ZC3H12B: variants seen among roughly 807,000 people sequenced by gnomAD.
ZC3H12B encodes zinc finger CCCH-type containing 12B.
Under a neutral mutation model 43.9 loss-of-function variants are expected in ZC3H12B, and 7 were observed. The ratio of observed to expected loss-of-function variants is 0.16; its 90% confidence interval spans 0.09 to 0.30. The LOEUF is 0.30. ZC3H12B is among the 10% of genes least tolerant of loss of function. ZC3H12B has a pLI of 1.00. For synonymous variants in ZC3H12B, 222 were observed against 241.7 expected (o/e 0.92, Z 0.76); for missense variants, 475 against 670.2 (o/e 0.71, Z 3.22).
chrX:65,244,364 A>T, the ZC3H12B span, among the ~76,000 whole-genome samples: 3 of 111,283 alleles, frequency 2.7e-5, no homozygotes, highest in Admixed American at 1.9e-4. Context: ...ACCGAAACAT[A>T]ACACAGAAAC....
At chrX:65,460,498 T>A (rs1418223311) in intron 3 of ZC3H12B, among the ~76,000 whole-genome samples, 1 of 111,974 alleles carries the variant, frequency 8.9e-6, no homozygotes. Flanking sequence ...ATGGTACTGG[T>A]ACCAAAACAG....
At chrX:65,120,942 T>C in the ZC3H12B span, among the ~76,000 whole-genome samples, 1 of 111,737 alleles carries the variant, frequency 8.9e-6, no homozygotes, top group Non-Finnish European at 1.9e-5. Flanking sequence ...ATTTATATGC[T>C]GGATTATGTT....
chrX:65,394,182 T>G (rs897814988), intron 2 of ZC3H12B, among the ~76,000 whole-genome samples: 1 of 112,499 alleles, frequency 8.9e-6, no homozygotes, highest in Non-Finnish European at 1.9e-5. Flanking sequence ...TTTCTTTTGC[T>G]GGGCAGAAGC....
chrX:65,165,969 CT>C, the ZC3H12B span, among the ~76,000 whole-genome samples: 1 of 112,101 alleles, frequency 8.9e-6, no homozygotes, highest in Non-Finnish European at 1.9e-5. Context: ...TATTTCCTGA[CT>C]TTTTAATAAT....
the ZC3H12B span, among the ~76,000 whole-genome samples, chrX:65,291,474 A>T: frequency 8.9e-6 from 1 of 112,329 alleles, no homozygotes; most frequent in Non-Finnish European, 1.9e-5. Flanking sequence ...TTCAAAAAGC[A>T]GGAATGCTGC....
At chrX:65,242,446 T>A in the ZC3H12B span, among the ~76,000 whole-genome samples, 7 of 110,770 alleles carry the variant, frequency 6.3e-5, no homozygotes, top group Non-Finnish European at 1.3e-4. Flanking sequence ...AAATGAGAGA[T>A]CTCTATAATG....
At chrX:65,471,425 CAGT>C (rs1317042285) in intron 3 of ZC3H12B, among the ~76,000 whole-genome samples, 1 of 103,131 alleles carries the variant, frequency 9.7e-6, no homozygotes, top group African/African-American at 3.6e-5. Flanking sequence ...TCACTTGAAA[CAGT>C]AGATATTTGG....
chrX:65,497,361 C>A, intron 2 of ZC3H12B, 90 bp downstream of exon 7: 1 of 868,394 alleles, frequency 1.2e-6, no homozygotes, highest in South Asian at 3.8e-5. Flanking sequence ...ATTTATTTTT[C>A]AAAGTTGTTA....
At chrX:65,507,296 C>T (rs1159040874) in exon 5 of ZC3H12B, 1 of 112,277 alleles carries the variant, frequency 8.9e-6, no homozygotes, top group Non-Finnish European at 1.9e-5. Flanking sequence ...TCCCTCCTAA[C>T]CCTCCTCTGC....
chrX:65,214,705 A>G, the ZC3H12B span, among the ~76,000 whole-genome samples: 3 of 111,350 alleles, frequency 2.7e-5, no homozygotes, highest in Admixed American at 9.6e-5. Flanking sequence ...TAATGTTGTC[A>G]TTTTTACCTC....
chrX:65,186,350 G>A, the ZC3H12B span: 1 of 108,695 alleles, frequency 9.2e-6, no homozygotes, highest in African/African-American at 3.4e-5. Flanking sequence ...AAATTAGTCG[G>A]GCATGGTGGA....
the ZC3H12B span, among the ~76,000 whole-genome samples, chrX:65,138,957 G>A: frequency 2.7e-5 from 3 of 111,891 alleles, no homozygotes; most frequent in Non-Finnish European, 5.6e-5. Flanking sequence ...TTACCATTGA[G>A]TAGTTTGAGT....
chrX:65,095,840 G>C, the ZC3H12B span, among the ~76,000 whole-genome samples: 3 of 110,823 alleles, frequency 2.7e-5, no homozygotes, highest in Admixed American at 2.9e-4. Flanking sequence ...TCACAGTGCA[G>C]GGGGCCATGC....
exon 5 of ZC3H12B, chrX:65,503,219 GTAC>G: frequency 8.8e-7 from 1 of 1,135,901 alleles, no homozygotes; most frequent in Non-Finnish European, 1.2e-6. Context: ...ATATGACATA[GTAC>G]TTATTTCTTT....
At chrX:65,267,807 G>A in the ZC3H12B span, among the ~76,000 whole-genome samples, 1 of 111,534 alleles carries the variant, frequency 9.0e-6, no homozygotes, top group Admixed American at 9.6e-5. Context: ...AGCAATAAAT[G>A]CCTAATTTTT....
chrX:65,186,085 G>T, the ZC3H12B span: 1 of 111,676 alleles, frequency 9.0e-6, no homozygotes, highest in Admixed American at 9.6e-5. Flanking sequence ...ATAATTTTCT[G>T]ACACCTTGGG....
At chrX:65,072,963 G>A in the ZC3H12B span, among the ~76,000 whole-genome samples, 1 of 112,640 alleles carries the variant, frequency 8.9e-6, no homozygotes, top group Non-Finnish European at 1.9e-5. Flanking sequence ...TGCCCCCTTT[G>A]CACATTCACA....
intron 2 of ZC3H12B, among the ~76,000 whole-genome samples, chrX:65,393,020 T>G (rs1453873768): frequency 9.0e-6 from 1 of 111,530 alleles, no homozygotes; most frequent in Non-Finnish European, 1.9e-5. Context: ...CAAGAAGATG[T>G]GCTTTGTTAA....
chrX:65,158,396 A>C, the ZC3H12B span, among the ~76,000 whole-genome samples: 1 of 111,596 alleles, frequency 9.0e-6, no homozygotes, highest in Admixed American at 9.5e-5. Flanking sequence ...CCAACAGTGT[A>C]AAAGTGTTCC....
Sources: gnomAD v4.1 joint callset for allele counts (sites outside exome capture counted in the v4.1 genomes callset) on GRCh38, gnomAD v4.1.1 for gene constraint, MANE v1.5 for transcripts, NCBI Gene and HGNC (gene_info 2026-07-23, HGNC 2026-07-21) for gene names.